The following MARCHF1 variants were observed in gnomAD, a reference collection of about 807,000 sequenced individuals.
The protein encoded by MARCHF1 is membrane associated ring-CH-type finger 1.
A neutral mutation model predicts 54.2 loss-of-function variants in MARCHF1; 40 were observed. The observed-to-expected ratio is 0.74, with a 90% confidence interval of 0.57 to 0.96. The LOEUF (loss-of-function observed/expected upper bound fraction) is 0.96, where lower values mean the gene tolerates loss of function less well. MARCHF1 is among the 40% of genes least tolerant of loss of function. MARCHF1 has a pLI of 0.00. For synonymous variants in MARCHF1, 236 were observed against 236.3 expected (o/e 1.00, Z 0.01); for missense variants, 586 against 656.5 (o/e 0.89, Z 1.17).
At chr4:164,227,394 A>T (rs1042180590) in intron 1 of MARCHF1, among the ~76,000 whole-genome samples, 1 of 152,130 alleles carries the variant, frequency 6.6e-6, no homozygotes, top group East Asian at 1.9e-4. Flanking sequence ...GATCATAGGG[A>T]TCACAAATCA....
At chr4:163,948,352 G>T (rs561953060) in intron 3 of MARCHF1, among the ~76,000 whole-genome samples, 3 of 152,160 alleles carry the variant, frequency 2.0e-5, no homozygotes, top group Non-Finnish European at 4.4e-5. Context: ...TTCTCATTAG[G>T]AAAGAGCAGC....
At chr4:163,650,524 A>T (rs892492262) in intron 5 of MARCHF1, among the ~76,000 whole-genome samples, 4 of 151,928 alleles carry the variant, frequency 2.6e-5, no homozygotes, top group Non-Finnish European at 4.4e-5. Flanking sequence ...ATTATATGTG[A>T]CGATGAAGCT....
intron 2 of MARCHF1, among the ~76,000 whole-genome samples, chr4:164,000,148 AT>A: frequency 6.6e-6 from 1 of 151,832 alleles, no homozygotes; most frequent in East Asian, 1.9e-4. Context: ...CTCTATAGTA[AT>A]GTTTTTGCTA....
intron 1 of MARCHF1, among the ~76,000 whole-genome samples, chr4:164,263,113 T>C (rs1323051600): frequency 1.3e-5 from 2 of 151,710 alleles, no homozygotes; most frequent in East Asian, 3.9e-4. Flanking sequence ...AAAAGCTATT[T>C]TTCAAGGTAC....
At chr4:164,095,122 C>T (rs990596451) in intron 2 of MARCHF1, among the ~76,000 whole-genome samples, 17 of 151,876 alleles carry the variant, frequency 1.1e-4, no homozygotes, top group South Asian at 2.1e-4. Context: ...AGTTGTTAGA[C>T]GGGAGAAAAC....
chr4:164,274,695 T>TTA (rs1412423235), intron 1 of MARCHF1, among the ~76,000 whole-genome samples: 21 of 113,048 alleles, frequency 1.9e-4, no homozygotes, highest in Non-Finnish European at 2.7e-4. Flanking sequence ...TTTTTTTTTT[T>TTA]AGACGGAGTC....
At chr4:163,843,114 G>A (rs2111137096) in intron 4 of MARCHF1, among the ~76,000 whole-genome samples, 1 of 152,280 alleles carries the variant, frequency 6.6e-6, no homozygotes, top group Middle Eastern at 3.4e-3. Context: ...TGAATATGCA[G>A]TATTTGGTTT....
At position 164,329,747 on chromosome 4, in the gene MARCHF1, A is replaced by C. The variant is rs7665034; in HGVS notation, c.-323+54123T>G. Among the ~76,000 whole-genome samples, 3 of 152,174 alleles carry C rather than the reference A, an allele frequency of 2.0e-5. No individual in the cohort carries two copies. The East Asian group carries it at 5.8e-4, about 30-fold the overall frequency. ...GGAGCAAGACAGGGAGAGAGTGGACAGGGAGGTGCCACACACTTTTAAATG... is the reference window on the plus strand; with the variant it reads ...GGAGCAAGACAGGGAGAGAGTGGACCGGGAGGTGCCACACACTTTTAAATG... On this transcript the variant is annotated intron_variant, in intron 1 of 9. Coordinates refer to ENST00000514618, the MANE Select transcript of MARCHF1 (RefSeq NM_001394959.1).
chr4:163,802,379 A>G lies in MARCHF1; in HGVS notation c.111+51642T>C, dbSNP rs555698512. Among the ~76,000 whole-genome samples, 468 of 152,260 alleles carry G rather than the reference A, an allele frequency of 3.1e-3. 4 individuals are homozygous for G. The highest frequency in any genetic ancestry group is 0.011 in the African/African-American group (445 of 41,540). ...AGACACTCAGAAATATTAAAGTGATATGGTAATAAAAGTCAAACACATTTC... is the reference window on the plus strand; with the variant it reads ...AGACACTCAGAAATATTAAAGTGATGTGGTAATAAAAGTCAAACACATTTC... On this transcript the variant is annotated intron_variant, in intron 4 of 9. Transcript: ENST00000514618.
chr4:164,015,350 A>C lies in MARCHF1; in HGVS notation c.-247-26641T>G, dbSNP rs544308728. Among the ~76,000 whole-genome samples the C allele has an allele frequency of 7.0e-3, 1,073 of 152,292 alleles. 10 individuals are homozygous for C. The highest frequency in any genetic ancestry group is 0.024 in the East Asian group (123 of 5,190). The stretch of plus-strand genomic sequence containing the variant: ...AACTAAAAATTGTAACTATAAAACT[A>C]CCAGAAGAAAACACTAGGGTAACAC... On this transcript the variant is annotated intron_variant, in intron 2 of 9. Transcript: ENST00000514618.
intron 2 of MARCHF1, among the ~76,000 whole-genome samples, chr4:163,991,389 C>G (rs770004830): frequency 2.9e-4 from 44 of 152,150 alleles, no homozygotes; most frequent in South Asian, 6.2e-4. Flanking sequence ...TACACATCAG[C>G]TAATATCAAT....
At chr4:164,075,049 A>G (rs938649607) in intron 2 of MARCHF1, among the ~76,000 whole-genome samples, 1 of 152,134 alleles carries the variant, frequency 6.6e-6, no homozygotes, top group Non-Finnish European at 1.5e-5. Flanking sequence ...ATGATAAAAT[A>G]GATCAGTAAT....
chr4:163,967,978 C>G (rs912756721), intron 3 of MARCHF1, among the ~76,000 whole-genome samples: 1 of 152,092 alleles, frequency 6.6e-6, no homozygotes, highest in Non-Finnish European at 1.5e-5. Flanking sequence ...AAATGTTAAT[C>G]TCATCCAAAA....
chr4:163,860,126 C>G (rs116630451), intron 3 of MARCHF1, among the ~76,000 whole-genome samples: 1 of 151,966 alleles, frequency 6.6e-6, no homozygotes, highest in African/African-American at 2.4e-5. Flanking sequence ...AACCACTACC[C>G]CAAAAATATG....
intron 3 of MARCHF1, among the ~76,000 whole-genome samples, chr4:163,976,225 G>A (rs1432197270): frequency 6.6e-6 from 1 of 152,134 alleles, no homozygotes; most frequent in Admixed American, 6.6e-5. Context: ...CGGGGCAAGT[G>A]TGTAGAGGAC....
intron 4 of MARCHF1, among the ~76,000 whole-genome samples, chr4:163,732,407 G>C (rs983802120): frequency 2.0e-5 from 3 of 152,060 alleles, no homozygotes; most frequent in African/African-American, 7.2e-5. Flanking sequence ...CTAACTCTAA[G>C]CAGCCAATTA....
intron 3 of MARCHF1, among the ~76,000 whole-genome samples, chr4:163,962,969 T>C (rs1752370286): frequency 6.6e-6 from 1 of 151,868 alleles, no homozygotes; most frequent in African/African-American, 2.4e-5. Context: ...TTCTAAAAAA[T>C]ATCCACATTT....
At chr4:164,053,470 G>A (rs1031399298) in intron 2 of MARCHF1, among the ~76,000 whole-genome samples, 5 of 152,086 alleles carry the variant, frequency 3.3e-5, no homozygotes, top group Non-Finnish European at 7.4e-5. Flanking sequence ...TAACAGTGAT[G>A]CTTGGCTGGG....
intron 3 of MARCHF1, among the ~76,000 whole-genome samples, chr4:163,969,613 C>A (rs1752510216): frequency 1.3e-5 from 2 of 152,122 alleles, no homozygotes; most frequent in African/African-American, 4.8e-5. Context: ...ATAAATGTAG[C>A]ATATGTTGTA....
Sources: allele counts gnomAD v4.1 joint callset (sites outside exome capture counted in the v4.1 genomes callset), GRCh38; gene constraint gnomAD v4.1.1; transcripts MANE v1.5; gene names NCBI Gene and HGNC (gene_info 2026-07-23, HGNC 2026-07-21).